Variants in PGLYRP4 observed in about 807,000 individuals in gnomAD.
PGLYRP4 encodes the protein peptidoglycan recognition protein 4.
In PGLYRP4, 39 loss-of-function variants were observed where a neutral mutation model predicts 41.2. The ratio of observed to expected loss-of-function variants is 0.95; its 90% CI spans 0.73 to 1.24. The LOEUF (loss-of-function observed/expected upper bound fraction) is 1.24, where lower values mean the gene tolerates loss of function less well. Among genes scored for constraint, PGLYRP4 ranks in the 50% most tolerant of loss-of-function variants. PGLYRP4 has a pLI of 0.00. For missense variants in PGLYRP4, 467 were observed against 460.7 expected, an observed-to-expected ratio of 1.01 and a Z score of -0.13; for synonymous variants, 202 against 186.8, an observed-to-expected ratio of 1.08 and a Z score of -0.66.
At position 153,330,674 on chromosome 1, in the gene PGLYRP4, G is replaced by C; in HGVS notation, c.*93C>G. 1 of 1,039,688 alleles carries C rather than the reference G, an allele frequency of 9.6e-7. No homozygotes were observed. The highest frequency in any genetic ancestry group is 1.5e-5 in the South Asian group (1 of 68,412). 64.4% of individuals were successfully genotyped at this position (1,039,688 alleles called of 1,614,324 possible). On this transcript the variant is annotated 3_prime_UTR_variant, in exon 9 of 9. Coordinates refer to ENST00000359650, the MANE Select transcript of PGLYRP4 (RefSeq NM_020393.4). ...GGCACAGGACTGTGTGGCAGGGGAG[G>C]AGGGCAAAAGGTGTTGAGCCAAGCT...
intron 6 of PGLYRP4, among the ~76,000 whole-genome samples, chr1:153,341,179 C>T (rs932291875): frequency 6.6e-6 from 1 of 152,160 alleles, no homozygotes; most frequent in African/African-American, 2.4e-5. Context: ...ATAAATGTGT[C>T]CAGTCCCTTT....
intron 8 of PGLYRP4, among the ~76,000 whole-genome samples, chr1:153,332,292 A>G (rs1754132): frequency 0.4 from 60,444 of 151,654 alleles, 12,239 homozygotes; most frequent in South Asian, 0.55. Context: ...TATGCACCCA[A>G]CTCATATATA....
At chr1:153,339,435 C>G (rs982715709) in intron 7 of PGLYRP4, among the ~76,000 whole-genome samples, 1 of 152,206 alleles carries the variant, frequency 6.6e-6, no homozygotes, top group African/African-American at 2.4e-5. Flanking sequence ...GAATCGTGTA[C>G]CAAGCAATGG....
At chr1:153,344,990 C>G in intron 4 of PGLYRP4, 179 bp downstream of exon 4, 1 of 591,006 alleles carries the variant, frequency 1.7e-6, no homozygotes, top group Non-Finnish European at 3.0e-6. Flanking sequence ...CAGAGACAGG[C>G]ACCTCACAGA....
At chr1:153,334,833 A>G (rs185403416) in intron 8 of PGLYRP4, among the ~76,000 whole-genome samples, 176 of 152,322 alleles carry the variant, frequency 1.2e-3, no homozygotes, top group African/African-American at 3.9e-3. Flanking sequence ...CCAAATTAGC[A>G]TCGTACTGGT....
chr1:153,335,180 A>G (rs1450506761), intron 8 of PGLYRP4, among the ~76,000 whole-genome samples: 1 of 21,806 alleles, frequency 4.6e-5, no homozygotes, highest in African/African-American at 3.6e-4. Context: ...TGCAACAAAA[A>G]CAAAAAAGAC....
rs1442978343 is a variant in PGLYRP4 at position 153,347,969 on chromosome 1, G to A, written c.-37C>T. ...CCCAGGACACCAATCTGGAGAGTGT[G>A]GATGGCAGCCTGAGAGAGACGCTGA... On this transcript the variant is annotated 5_prime_UTR_variant, in exon 2 of 9. Transcript: ENST00000359650. The A allele has an allele frequency of 6.4e-7, 1 of 1,568,056 alleles. No homozygotes were observed. Among genetic ancestry groups the A allele is most frequent in the South Asian group, 1.1e-5 (1 of 89,642 alleles).
chr1:153,334,468 T>TATATATATTTATATATATATTTATA (rs1275488427), intron 8 of PGLYRP4, among the ~76,000 whole-genome samples: 1 of 142,530 alleles, frequency 7.0e-6, no homozygotes, highest in Non-Finnish European at 1.5e-5. Context: ...ATATATTTAT[T>TATATATATTTATATATATATTTATA]TATATATATT....
intron 6 of PGLYRP4, 143 bp downstream of exon 6, chr1:153,341,484 C>T (rs1660796751): frequency 1.4e-6 from 1 of 740,478 alleles, no homozygotes; most frequent in Non-Finnish European, 2.2e-6. Context: ...TTGCCAGCCC[C>T]AAGAGTTCAG....
At chr1:153,340,760 TG>T (rs1049827616) in intron 6 of PGLYRP4, among the ~76,000 whole-genome samples, 181 bp from the exon 7 acceptor site, 33 of 151,718 alleles carry the variant, frequency 2.2e-4, no homozygotes, top group African/African-American at 7.7e-4. Flanking sequence ...TGTCCCGCAG[TG>T]GGACATGGAC....
chr1:153,345,016 G>A lies in PGLYRP4; in HGVS notation c.353+153C>T, dbSNP rs1660942121. ...ACCTCACAGAAAAATCCAAAGGATTGGGAGTTTCATGGGGGTTTTAAATAT... is the reference window on the plus strand; with the variant it reads ...ACCTCACAGAAAAATCCAAAGGATTAGGAGTTTCATGGGGGTTTTAAATAT... On this transcript the variant is annotated intron_variant, in intron 4 of 8. Coordinates refer to ENST00000359650, the MANE Select transcript of PGLYRP4 (RefSeq NM_020393.4). 31 of 626,402 alleles carry A rather than the reference G, an allele frequency of 4.9e-5. No homozygotes were observed. The East Asian group carries it at 8.3e-4, about 17-fold the overall frequency. 38.8% of individuals were successfully genotyped at this position (626,402 alleles called of 1,614,324 possible).
chr1:153,341,451 G>A (rs551572232), intron 6 of PGLYRP4, among the ~76,000 whole-genome samples, 176 bp downstream of exon 6: 5 of 152,348 alleles, frequency 3.3e-5, no homozygotes, highest in African/African-American at 1.2e-4. Flanking sequence ...CAAAGAGGTG[G>A]CCTGGAGGTT....
chr1:153,334,822 A>G (rs1409027654), intron 8 of PGLYRP4, among the ~76,000 whole-genome samples: 1 of 152,194 alleles, frequency 6.6e-6, no homozygotes, highest in Non-Finnish European at 1.5e-5. Context: ...GACTATAGTA[A>G]CCAAATTAGC....
chr1:153,331,983 C>T (rs771213326), intron 8 of PGLYRP4, among the ~76,000 whole-genome samples: 3 of 152,008 alleles, frequency 2.0e-5, no homozygotes, highest in Non-Finnish European at 2.9e-5. Flanking sequence ...TCACCTTAAA[C>T]GAAAATGAAC....
chr1:153,336,373 A>C (rs1660564358), intron 8 of PGLYRP4, among the ~76,000 whole-genome samples: 1 of 54,676 alleles, frequency 1.8e-5, no homozygotes. Flanking sequence ...CCATCTCAAA[A>C]AAAAAAAAAA....
Position 153,345,399 on chromosome 1 carries a change from A to T in PGLYRP4, c.140-17T>A. The T allele has an allele frequency of 6.2e-7, 1 of 1,607,910 alleles. No individual in the cohort carries two copies. On this transcript the variant is annotated splice_polypyrimidine_tract_variant and intron_variant, in intron 3 of 8. Transcript: ENST00000359650. ...TGGGAAGGCCTTGGGGACGTCACTCAGCGCACCTGCCCCATCACTACCGCA... is the reference window on the plus strand; with the variant it reads ...TGGGAAGGCCTTGGGGACGTCACTCTGCGCACCTGCCCCATCACTACCGCA...
chr1:153,339,090 A>T lies in PGLYRP4; in HGVS notation c.824+1291T>A, dbSNP rs537050212. Among the ~76,000 whole-genome samples the T allele has an allele frequency of 2.0e-5, 3 of 152,352 alleles. No individual in the cohort carries two copies. In the South Asian group the frequency reaches 6.2e-4, roughly 32 times the overall value. On this transcript the variant is annotated intron_variant, in intron 7 of 8. Coordinates refer to ENST00000359650, the MANE Select transcript of PGLYRP4 (RefSeq NM_020393.4). ...CAATGAAAGAAAATGACACAGTCATAATGCTATAATAGAAGAGGATACAGT... is the reference window on the plus strand; with the variant it reads ...CAATGAAAGAAAATGACACAGTCATTATGCTATAATAGAAGAGGATACAGT...
chr1:153,337,388 A>G, intron 7 of PGLYRP4, 89 bp from the exon 8 acceptor site: 1 of 759,974 alleles, frequency 1.3e-6, no homozygotes, highest in Non-Finnish European at 2.2e-6. Context: ...TGTCTTTACT[A>G]CTTCAGACTT....
chr1:153,340,892 A>T (rs1357844005), intron 6 of PGLYRP4, among the ~76,000 whole-genome samples: 1 of 152,254 alleles, frequency 6.6e-6, no homozygotes, highest in Non-Finnish European at 1.5e-5. Context: ...GCTTTAATAT[A>T]ATAGAGATGA....
Sources: allele counts gnomAD v4.1 joint callset (sites outside exome capture counted in the v4.1 genomes callset), GRCh38; gene constraint gnomAD v4.1.1; transcripts MANE v1.5; gene names NCBI Gene and HGNC (gene_info 2026-07-23, HGNC 2026-07-21).